Variants in SCAPER observed in about 807,000 individuals in gnomAD.
The protein encoded by SCAPER is S phase cyclin A-associated protein in the endoplasmic reticulum.
A neutral mutation model predicts 182.2 loss-of-function variants in SCAPER; 98 were observed. That is an observed-to-expected ratio of 0.54 (90% CI 0.46 to 0.64). The LOEUF (loss-of-function observed/expected upper bound fraction) is 0.64. Among genes scored for constraint, SCAPER ranks in the 30% least tolerant of loss-of-function variants. The pLI, the probability that SCAPER is intolerant of heterozygous loss-of-function variation, is 0.00. For missense variants in SCAPER, 1,432 were observed against 1,690.0 expected (o/e 0.85, Z 2.68); for synonymous variants, 605 against 564.6 (o/e 1.07, Z -1.01).
Position 76,459,359 on chromosome 15 carries a change from G to A in SCAPER, c.3078+11853C>T, listed in dbSNP as rs575435495. ...AAGTAGTATTCCATTATGTGTGTGT[G>A]CATATATACATATTCTGTATATATT... On this transcript the variant is annotated intron_variant, in intron 25 of 31. Transcript: ENST00000563290. 1.5e-3 allele frequency among the ~76,000 whole-genome samples: 231 copies of A among 152,198 alleles called. 1 individual carries two copies. The highest frequency in any genetic ancestry group is 2.7e-3 in the Non-Finnish European group (184 of 68,000).
At chr15:76,521,480 C>T (rs1218411436) in intron 23 of SCAPER, among the ~76,000 whole-genome samples, 3 of 151,842 alleles carry the variant, frequency 2.0e-5, no homozygotes, top group East Asian at 1.9e-4. Context: ...GCCAGGAGTT[C>T]GAGACCAATT....
intron 17 of SCAPER, among the ~76,000 whole-genome samples, chr15:76,712,508 A>C (rs979234788): frequency 6.6e-6 from 1 of 152,188 alleles, no homozygotes; most frequent in Admixed American, 6.5e-5. Context: ...GATGGCACTG[A>C]ATCTATAAAT....
chr15:76,687,211 T>A (rs2058080396), intron 20 of SCAPER, among the ~76,000 whole-genome samples: 1 of 152,030 alleles, frequency 6.6e-6, no homozygotes, highest in South Asian at 2.1e-4. Context: ...CAAAAACCAA[T>A]CGGATAAAAA....
intron 1 of SCAPER, among the ~76,000 whole-genome samples, chr15:76,900,226 AG>A (rs1475398095): frequency 1.3e-5 from 2 of 151,888 alleles, no homozygotes; most frequent in African/African-American, 4.8e-5. Context: ...ACCTCTGCCT[AG>A]GAAAACCAGA....
intron 26 of SCAPER, among the ~76,000 whole-genome samples, chr15:76,420,350 C>T (rs1489250588): frequency 6.7e-6 from 1 of 149,458 alleles, no homozygotes; most frequent in Admixed American, 6.8e-5. Context: ...GTAGCTGGGA[C>T]TACAGATGCA....
intron 24 of SCAPER, among the ~76,000 whole-genome samples, chr15:76,475,425 C>T (rs982790519): frequency 3.9e-5 from 6 of 151,960 alleles, no homozygotes; most frequent in African/African-American, 1.5e-4. Flanking sequence ...CTCTTGGGTT[C>T]AAGCTATTCT....
chr15:76,618,017 G>A lies in SCAPER; in HGVS notation c.2711+3747C>T, dbSNP rs367648668. ...CTCACACCTATAATCCCAGCACTTCGGGAGGCCAAGGCGGGTGGATCACTT... is the reference window on the plus strand; with the variant it reads ...CTCACACCTATAATCCCAGCACTTCAGGAGGCCAAGGCGGGTGGATCACTT... On this transcript the variant is annotated intron_variant, in intron 22 of 31. Transcript: ENST00000563290. Among the ~76,000 whole-genome samples the A allele has an allele frequency of 5.3e-5, 8 of 152,078 alleles. No homozygotes were observed. In the East Asian group the frequency reaches 5.8e-4, roughly 11 times the overall value.
At chr15:76,427,994 G>A (rs1162158759) in intron 26 of SCAPER, among the ~76,000 whole-genome samples, 1 of 151,964 alleles carries the variant, frequency 6.6e-6, no homozygotes, top group Non-Finnish European at 1.5e-5. Context: ...CATCTATTTG[G>A]GAGGCTGATT....
At chr15:76,542,752 T>G (rs1227101047) in intron 23 of SCAPER, among the ~76,000 whole-genome samples, 1 of 151,978 alleles carries the variant, frequency 6.6e-6, no homozygotes, top group Non-Finnish European at 1.5e-5. Context: ...TAAGTCATGG[T>G]TATGAAACAC....
intron 1 of SCAPER, among the ~76,000 whole-genome samples, chr15:76,899,516 C>T (rs2074634030): frequency 6.6e-6 from 1 of 152,228 alleles, no homozygotes. Flanking sequence ...TCACTACAAC[C>T]TCCACCTCCC....
At chr15:76,693,383 G>A (rs2058482525) in intron 20 of SCAPER, among the ~76,000 whole-genome samples, 1 of 152,090 alleles carries the variant, frequency 6.6e-6, no homozygotes, top group Non-Finnish European at 1.5e-5. Flanking sequence ...GTACATTGCT[G>A]GTAGGAATGT....
chr15:76,593,039 C>T lies in SCAPER; in HGVS notation c.2712-18755G>A, dbSNP rs1307227098. ...ACTCGTCTTGCTCAGCAGATCCCACCCCCACAGAGGCCAGCAAGCTAATAT... is the reference window on the plus strand; with the variant it reads ...ACTCGTCTTGCTCAGCAGATCCCACTCCCACAGAGGCCAGCAAGCTAATAT... On this transcript the variant is annotated intron_variant, in intron 22 of 31. Coordinates refer to ENST00000563290, the MANE Select transcript of SCAPER (RefSeq NM_020843.4). Among the ~76,000 whole-genome samples the T allele has an allele frequency of 1.4e-4, 17 of 119,910 alleles. 2 individuals are homozygous for T. Among genetic ancestry groups the T allele is most frequent in the African/African-American group, 4.1e-4 (16 of 39,402 alleles). 78.7% of individuals were successfully genotyped at this position (119,910 alleles called of 152,430 possible).
intron 25 of SCAPER, among the ~76,000 whole-genome samples, chr15:76,445,197 T>C (rs1206625444): frequency 2.6e-5 from 4 of 152,226 alleles, no homozygotes; most frequent in Non-Finnish European, 5.9e-5. Flanking sequence ...ATAGCTTAGT[T>C]TCCACTTGTA....
intron 21 of SCAPER, among the ~76,000 whole-genome samples, chr15:76,652,371 C>CACACATATATATAT (rs764864981): frequency 8.7e-4 from 7 of 8,060 alleles, no homozygotes; most frequent in Non-Finnish European, 1.3e-3. Flanking sequence ...CACACACACA[C>CACACATATATATAT]ATATATATAT....
At chr15:76,626,107 A>G (rs2052550734) in intron 21 of SCAPER, among the ~76,000 whole-genome samples, 1 of 151,930 alleles carries the variant, frequency 6.6e-6, no homozygotes, top group Non-Finnish European at 1.5e-5. Flanking sequence ...TGTGCACTAG[A>G]CAAGCTTGCT....
Position 76,597,450 on chromosome 15 carries a change from CTACTT to C in SCAPER, c.2712-23171_2712-23167del. ...ACTTTCTTCACAGAATTAGAAAAAACTACTTTAAATTTCATATGGAACCAAAAAAG... is the reference window on the plus strand; with the variant it reads ...ACTTTCTTCACAGAATTAGAAAAAACTAAATTTCATATGGAACCAAAAAAG... On this transcript the variant is annotated intron_variant, in intron 22 of 31. Transcript: ENST00000563290. Among the ~76,000 whole-genome samples, 2 of 121,448 alleles carry C rather than the reference CTACTT, an allele frequency of 1.6e-5. 1 individual carries two copies. Among genetic ancestry groups the C allele is most frequent in the East Asian group, 4.4e-4 (2 of 4,554 alleles). 79.7% of individuals were successfully genotyped at this position (121,448 alleles called of 152,430 possible). A position where few individuals can be genotyped will look rare whatever the true frequency, so the allele number is the denominator to read the frequency against.
At chr15:76,728,844 C>A (rs1290325262) in intron 16 of SCAPER, 107 bp from the exon 17 acceptor site, 2 of 1,198,762 alleles carry the variant, frequency 1.7e-6, no homozygotes, top group Admixed American at 5.5e-5. Flanking sequence ...CAAGTAGAAA[C>A]ATGGGCTTGC....
At chr15:76,371,316 TC>T (rs1567009947) in intron 29 of SCAPER, among the ~76,000 whole-genome samples, 6 of 149,860 alleles carry the variant, frequency 4.0e-5, no homozygotes, top group South Asian at 4.2e-4. Context: ...TTTCTCTCTC[TC>T]TCTTTTTTTT....
chr15:76,645,502 A>C (rs893678345), intron 21 of SCAPER, among the ~76,000 whole-genome samples: 2 of 152,148 alleles, frequency 1.3e-5, no homozygotes, highest in African/African-American at 4.8e-5. Context: ...CCTGAGGCAT[A>C]ATAAGAGCTC....
Sources: allele counts gnomAD v4.1 joint callset (sites outside exome capture counted in the v4.1 genomes callset), GRCh38; gene constraint gnomAD v4.1.1; transcripts MANE v1.5; gene names NCBI Gene and HGNC (gene_info 2026-07-23, HGNC 2026-07-21).